Variants in DACH2 observed in about 807,000 individuals in gnomAD.
DACH2 encodes the protein dachshund homolog 2.
In DACH2, 17 loss-of-function variants were observed where a neutral mutation model predicts 35.8. The ratio of observed to expected loss-of-function variants is 0.48; its 90% CI spans 0.33 to 0.71. The LOEUF (loss-of-function observed/expected upper bound fraction) is 0.71. Ranked by LOEUF, DACH2 falls within the 30% of genes least tolerant of loss-of-function variation. DACH2 has a pLI of 0.02. For synonymous variants in DACH2, 195 were observed against 177.3 expected (o/e 1.10, Z -0.79); for missense variants, 469 against 472.7 (o/e 0.99, Z 0.07).
At chrX:86,764,000 T>A (rs1322323507) in intron 7 of DACH2, among the ~76,000 whole-genome samples, 1 of 111,991 alleles carries the variant, frequency 8.9e-6, no homozygotes, top group Non-Finnish European at 1.9e-5. Context: ...GAAACTTTTT[T>A]GACCTGTTCT....
intron 1 of DACH2, among the ~76,000 whole-genome samples, chrX:86,254,922 A>G (rs997693237): frequency 9.4e-6 from 1 of 106,471 alleles, no homozygotes; most frequent in Non-Finnish European, 1.9e-5. Flanking sequence ...TCTGAGATAA[A>G]GTTGAAAAAT....
rs944952095 is a variant in DACH2, at chrX:86,204,226, T to C, written c.488+55118T>C. 8.0e-5 allele frequency among the ~76,000 whole-genome samples: 9 copies of C among 111,933 alleles called. 1 individual carries two copies. The stretch of plus-strand genomic sequence containing the variant: ...GCCTGCTTTCTTCATTGTTCTCTCC[T>C]CAGAACCTAGAACCATGTCTGCTAC... On this transcript the variant is annotated intron_variant, in intron 1 of 11. Transcript: ENST00000373125.
chrX:86,767,593 T>C lies in DACH2; in HGVS notation c.1240+27711T>C, dbSNP rs189143344. The stretch of plus-strand genomic sequence containing the variant: ...CTGATGTCAACACTTAATTTAGACC[T>C]TTTCTGTTATTTGCCACTGTGTATA... On this transcript the variant is annotated intron_variant, in intron 7 of 11. Coordinates refer to ENST00000373125, the MANE Select transcript of DACH2 (RefSeq NM_053281.3). 4.0e-3 allele frequency among the ~76,000 whole-genome samples: 452 copies of C among 112,191 alleles called. 2 individuals are homozygous for C. Among genetic ancestry groups the C allele is most frequent in the African/African-American group, 0.014 (432 of 30,919 alleles).
intron 2 of DACH2, among the ~76,000 whole-genome samples, chrX:86,387,901 C>T (rs2036144311): frequency 8.9e-6 from 1 of 112,147 alleles, no homozygotes; most frequent in Non-Finnish European, 1.9e-5. Context: ...CAGGCAGAAA[C>T]ATACAGTTGA....
chrX:86,310,697 CA>C (rs1556022301), intron 1 of DACH2, among the ~76,000 whole-genome samples: 2 of 110,862 alleles, frequency 1.8e-5, no homozygotes, highest in Non-Finnish European at 3.8e-5. Context: ...CAGGGACTTG[CA>C]AAAAGTATGA....
chrX:86,321,906 C>A (rs1046618251), intron 1 of DACH2, among the ~76,000 whole-genome samples: 3 of 111,614 alleles, frequency 2.7e-5, no homozygotes, highest in South Asian at 3.8e-4. Context: ...CCTAGTGGTG[C>A]CCCTTCCATC....
chrX:86,226,886 C>G (rs773230485), intron 1 of DACH2, among the ~76,000 whole-genome samples: 2 of 111,143 alleles, frequency 1.8e-5, no homozygotes, highest in Admixed American at 1.9e-4. Flanking sequence ...GCAAATAACA[C>G]TAATTTCCTA....
At chrX:86,566,183 TTCTC>T (rs1318386552) in intron 3 of DACH2, among the ~76,000 whole-genome samples, 1 of 111,931 alleles carries the variant, frequency 8.9e-6, no homozygotes, top group East Asian at 2.8e-4. Context: ...ATAATAGACT[TTCTC>T]AAACTACAAT....
chrX:86,814,349 A>C (rs2042425035), intron 9 of DACH2, among the ~76,000 whole-genome samples: 2 of 112,315 alleles, frequency 1.8e-5, no homozygotes, highest in Admixed American at 9.5e-5. Flanking sequence ...GAGGATTACA[A>C]AATGTTTAAA....
At chrX:86,196,491 A>G (rs1201473843) in intron 1 of DACH2, among the ~76,000 whole-genome samples, 1 of 108,521 alleles carries the variant, frequency 9.2e-6, no homozygotes, top group Non-Finnish European at 1.9e-5. Flanking sequence ...AGGAGATTGA[A>G]TCCATCCTGG....
chrX:86,562,020 A>AC (rs1423884137), intron 3 of DACH2, among the ~76,000 whole-genome samples: 1 of 61,379 alleles, frequency 1.6e-5, no homozygotes, highest in African/African-American at 1.1e-4. Context: ...CATAAAAAAA[A>AC]AAATCTTTTG....
chrX:86,747,676 T>C (rs2041728151), intron 7 of DACH2, among the ~76,000 whole-genome samples: 1 of 112,011 alleles, frequency 8.9e-6, no homozygotes, highest in Non-Finnish European at 1.9e-5. Flanking sequence ...ATAATCTTTT[T>C]ACTGGTGGAG....
At chrX:86,356,154 T>C (rs993607985) in intron 1 of DACH2, among the ~76,000 whole-genome samples, 1 of 112,202 alleles carries the variant, frequency 8.9e-6, no homozygotes, top group Non-Finnish European at 1.9e-5. Flanking sequence ...CAAGGATTTT[T>C]ATAATTTTAG....
intron 1 of DACH2, among the ~76,000 whole-genome samples, chrX:86,228,104 T>A (rs963257124): frequency 5.4e-5 from 6 of 110,380 alleles, no homozygotes; most frequent in Admixed American, 9.7e-5. Context: ...TGCAGTCTTT[T>A]ATTCCTCGCC....
At chrX:86,813,353 A>G in intron 9 of DACH2, 76 bp downstream of exon 9, 1 of 974,553 alleles carries the variant, frequency 1.0e-6, no homozygotes, top group Non-Finnish European at 1.4e-6. Flanking sequence ...ATATTCTCCA[A>G]GATATCTTGG....
intron 2 of DACH2, among the ~76,000 whole-genome samples, chrX:86,434,183 G>A (rs895941818): frequency 2.7e-5 from 3 of 111,567 alleles, no homozygotes; most frequent in African/African-American, 9.8e-5. Context: ...ATTTTATGCC[G>A]ACTTTTATTT....
rs756658137 is a variant in DACH2, at chrX:86,719,020, AT to A, written c.1104+4307del. Among the ~76,000 whole-genome samples, 6 of 111,746 alleles carry A rather than the reference AT, an allele frequency of 5.4e-5. No homozygotes were observed. The East Asian group carries it at 1.1e-3, about 21-fold the overall frequency. ...TATTTTCTATTTCTGTGAAAAATGAATTTTTTTATGGATTGCGTTAAATCTG... is the reference window on the plus strand; with the variant it reads ...TATTTTCTATTTCTGTGAAAAATGAATTTTTTATGGATTGCGTTAAATCTG... On this transcript the variant is annotated intron_variant, in intron 6 of 11. Transcript: ENST00000373125.
chrX:86,346,031 C>A (rs769204987), intron 1 of DACH2, among the ~76,000 whole-genome samples: 62 of 111,725 alleles, frequency 5.5e-4, no homozygotes, highest in African/African-American at 1.9e-3. Flanking sequence ...ATGAAAAAAC[C>A]TTGTTTACAT....
At chrX:86,497,236 A>G (rs900142462) in intron 2 of DACH2, among the ~76,000 whole-genome samples, 2 of 111,801 alleles carry the variant, frequency 1.8e-5, no homozygotes, top group Non-Finnish European at 3.8e-5. Flanking sequence ...CAGCAGCATC[A>G]GCAGCTCCAG....
Sources: gnomAD v4.1 joint callset for allele counts (sites outside exome capture counted in the v4.1 genomes callset) on GRCh38, gnomAD v4.1.1 for gene constraint, MANE v1.5 for transcripts, NCBI Gene and HGNC (gene_info 2026-07-23, HGNC 2026-07-21) for gene names.